The following NAV2 variants were observed in gnomAD, a reference collection of about 807,000 sequenced individuals.
NAV2 encodes the protein neuron navigator 2.
Under a neutral mutation model 223.2 loss-of-function variants are expected in NAV2, and 54 were observed. The ratio of observed to expected loss-of-function variants is 0.24; its 90% CI spans 0.19 to 0.30. NAV2 has a LOEUF of 0.30. NAV2 is among the 10% of genes least tolerant of loss of function. NAV2 has a pLI of 1.00. For synonymous variants in NAV2, 1,279 were observed against 1,239.3 expected, an observed-to-expected ratio of 1.03 and a Z score of -0.67; for missense variants, 2,806 against 3,147.5, an observed-to-expected ratio of 0.89 and a Z score of 2.60.
chr11:19,600,365 G>A (rs990677604), intron 1 of NAV2, among the ~76,000 whole-genome samples: 1 of 152,210 alleles, frequency 6.6e-6, no homozygotes. Context: ...GCTAAGCCAA[G>A]GGAACATGAC....
chr11:19,853,629 A>G (rs2061261997), intron 3 of NAV2, among the ~76,000 whole-genome samples: 1 of 152,262 alleles, frequency 6.6e-6, no homozygotes, highest in Non-Finnish European at 1.5e-5. Flanking sequence ...TGCCTTGTAC[A>G]TTCTTTTTTC....
intron 1 of NAV2, among the ~76,000 whole-genome samples, chr11:19,737,008 C>G (rs542981494): frequency 6.6e-6 from 1 of 152,362 alleles, no homozygotes; most frequent in East Asian, 1.9e-4. Flanking sequence ...AACTGTAGTG[C>G]CAGCCAGGAG....
Position 20,119,832 on chromosome 11 carries a change from A to AG in NAV2, c.*1575dup, listed in dbSNP as rs1175532735. 1 of 152,498 alleles carries AG rather than the reference A, an allele frequency of 6.6e-6. No individual in the cohort carries two copies. Among genetic ancestry groups the AG allele is most frequent in the African/African-American group, 2.4e-5 (1 of 41,384 alleles). 9.4% of individuals were successfully genotyped at this position (152,498 alleles called of 1,614,324 possible). A position where few individuals can be genotyped will look rare whatever the true frequency, so the allele number is the denominator to read the frequency against. On this transcript the variant is annotated 3_prime_UTR_variant, in exon 38 of 38. Coordinates refer to ENST00000349880, the MANE Select transcript of NAV2 (RefSeq NM_145117.5). ...GACCATGGGAAAAAGAAAAAAAAAA[A>AG]GATCCATTTTTTAGGTTCTTTTCGG...
intron 1 of NAV2, among the ~76,000 whole-genome samples, chr11:19,723,735 C>A (rs973980979): frequency 6.6e-6 from 1 of 152,234 alleles, no homozygotes; most frequent in Non-Finnish European, 1.5e-5. Context: ...CCCCAGGTGA[C>A]CCCCGTGCTG....
At chr11:20,112,367 G>A (rs1355290826) in intron 36 of NAV2, among the ~76,000 whole-genome samples, 2 of 152,224 alleles carry the variant, frequency 1.3e-5, no homozygotes, top group South Asian at 4.1e-4. Context: ...CGCAGGACGG[G>A]AGGAGTGCTG....
rs531828434 is a variant in NAV2, at chr11:20,054,176, C to T, written c.4578C>T (p.Ser1526=). 23 of 1,613,732 alleles carry T rather than the reference C, an allele frequency of 1.4e-5. No homozygotes were observed. In the East Asian group the frequency reaches 1.6e-4, roughly 11 times the overall value. ...GCCTTCAGGACACCGCTGCCAATTC[C>T]CCCTTTTCCTCTGGCTCCAGCGTGA... ...AGGLQDTAAN[S]PFSSGSSVTS... is the part of the protein sequence containing the mutation. Residue 1526 remains serine, a synonymous_variant, in exon 18 of 38, where the codon TCC becomes TCT. Transcript: ENST00000349880.
chr11:19,600,405 C>G (rs1391675552), intron 1 of NAV2, among the ~76,000 whole-genome samples: 1 of 152,154 alleles, frequency 6.6e-6, no homozygotes, highest in African/African-American at 2.4e-5. Context: ...CTAAAGCAAC[C>G]AACTGCTCTA....
intron 1 of NAV2, among the ~76,000 whole-genome samples, chr11:19,387,542 C>G (rs1410017609): frequency 3.3e-5 from 5 of 151,930 alleles, no homozygotes; most frequent in African/African-American, 1.2e-4. Flanking sequence ...CCAAGTGGAA[C>G]GGAAAAGTAT....
intron 6 of NAV2, among the ~76,000 whole-genome samples, chr11:19,912,697 A>C (rs938566804): frequency 6.6e-6 from 1 of 152,218 alleles, no homozygotes; most frequent in African/African-American, 2.4e-5. Context: ...AATTTCCAAG[A>C]GACCCAGACT....
At chr11:19,572,490 G>A (rs1439558859) in intron 1 of NAV2, among the ~76,000 whole-genome samples, 3 of 152,182 alleles carry the variant, frequency 2.0e-5, no homozygotes, top group Non-Finnish European at 2.9e-5. Flanking sequence ...TTGACCTGGG[G>A]CAAAAGATTA....
At chr11:19,841,120 T>C (rs2060490039) in intron 2 of NAV2, among the ~76,000 whole-genome samples, 1 of 152,200 alleles carries the variant, frequency 6.6e-6, no homozygotes, top group Non-Finnish European at 1.5e-5. Context: ...AAAATGCAAT[T>C]AGATCTCTGA....
chr11:19,888,618 C>A (rs2041229291), intron 5 of NAV2, among the ~76,000 whole-genome samples: 1 of 152,190 alleles, frequency 6.6e-6, no homozygotes. Context: ...CCCTGGAGGG[C>A]AGGACCAAGT....
chr11:19,788,384 A>G (rs1309681310), intron 1 of NAV2, among the ~76,000 whole-genome samples: 1 of 152,220 alleles, frequency 6.6e-6, no homozygotes, highest in Admixed American at 6.5e-5. Flanking sequence ...AGCTTGAGGC[A>G]TCATCCTTGA....
chr11:19,781,954 C>A (rs965940083), intron 1 of NAV2, among the ~76,000 whole-genome samples: 6 of 152,068 alleles, frequency 3.9e-5, no homozygotes, highest in African/African-American at 7.2e-5. Context: ...TAACAACTTC[C>A]GTTTTTTTTC....
At chr11:19,730,474 G>T (rs2051665118) in intron 1 of NAV2, among the ~76,000 whole-genome samples, 1 of 152,214 alleles carries the variant, frequency 6.6e-6, no homozygotes, top group African/African-American at 2.4e-5. Context: ...GGGCCTGTTG[G>T]GGCCCTCGGT....
chr11:20,098,619 C>T (rs1032964935), intron 31 of NAV2, among the ~76,000 whole-genome samples: 2 of 152,230 alleles, frequency 1.3e-5, no homozygotes, highest in Non-Finnish European at 2.9e-5. Context: ...TTTCCACAAG[C>T]ACCCCACCAT....
At chr11:19,400,713 G>T (rs528282495) in intron 1 of NAV2, among the ~76,000 whole-genome samples, 1 of 152,264 alleles carries the variant, frequency 6.6e-6, no homozygotes, top group East Asian at 1.9e-4. Context: ...CCCATGATGT[G>T]AACAGTGACC....
intron 12 of NAV2, among the ~76,000 whole-genome samples, chr11:20,042,923 G>A (rs1002414448): frequency 6.6e-6 from 1 of 152,142 alleles, no homozygotes; most frequent in Admixed American, 6.5e-5. Context: ...AGCTGCAGGA[G>A]ATCATTAACG....
chr11:19,947,367 C>T (rs749709425), intron 9 of NAV2, among the ~76,000 whole-genome samples: 1 of 152,228 alleles, frequency 6.6e-6, no homozygotes, highest in Non-Finnish European at 1.5e-5. Flanking sequence ...ACCAAATTGG[C>T]TCTTCCAGAG....
Sources: allele counts gnomAD v4.1 joint callset (sites outside exome capture counted in the v4.1 genomes callset), GRCh38; gene constraint gnomAD v4.1.1; transcripts MANE v1.5; gene names NCBI Gene and HGNC (gene_info 2026-07-23, HGNC 2026-07-21).